The following PLP1 variants were observed in gnomAD, a reference collection of about 807,000 sequenced individuals.
PLP1 encodes the protein myelin proteolipid protein.
A neutral mutation model predicts 18.5 loss-of-function variants in PLP1; 2 were observed. The ratio of observed to expected loss-of-function variants is 0.11; its 90% CI spans 0.04 to 0.34. The LOEUF (loss-of-function observed/expected upper bound fraction) is 0.34, where lower values mean the gene tolerates loss of function less well. PLP1 is among the 10% of genes least tolerant of loss of function. The probability of loss-of-function intolerance (pLI) is 1.00; values close to 1 mark genes in which losing one functional copy is unlikely to be tolerated. For missense variants in PLP1, 105 were observed against 207.3 expected, an observed-to-expected ratio of 0.51 and a Z score of 3.03; for synonymous variants, 86 against 83.2, an observed-to-expected ratio of 1.03 and a Z score of -0.19.
chrX:103,784,973 T>C (rs2074482403), intron 1 of PLP1, among the ~76,000 whole-genome samples: 1 of 112,618 alleles, frequency 8.9e-6, no homozygotes, highest in Admixed American at 9.4e-5. Context: ...AAGGGACTGA[T>C]TTCATAATCT....
intron 1 of PLP1, among the ~76,000 whole-genome samples, chrX:103,777,543 G>A (rs2074420124): frequency 8.9e-6 from 1 of 112,307 alleles, no homozygotes; most frequent in Admixed American, 9.4e-5. Context: ...TCAATGGCTT[G>A]ACCATGGGAA....
At chrX:103,787,618 A>G in intron 3 of PLP1, 180 bp from the exon 4 acceptor site, 1 of 484,273 alleles carries the variant, frequency 2.1e-6, no homozygotes, top group Non-Finnish European at 3.7e-6. Flanking sequence ...GGGGCCAGTT[A>G]TCTAGTAGAT....
In PLP1 at chrX:103,788,307, C is replaced by T. The variant is rs376327266; in HGVS notation, c.623-130C>T. ...TTGTAAACCTGTAGAAAAGAGGATC[C>T]TGATTGTTGGTAGAATCCAACTTTA... On this transcript the variant is annotated intron_variant, in intron 4 of 6. Transcript: ENST00000621218. The T allele has an allele frequency of 4.7e-4, 273 of 584,885 alleles. 3 individuals are homozygous for T. In the South Asian group the frequency reaches 5.8e-3, roughly 12 times the overall value. 48.2% of individuals were successfully genotyped at this position (584,885 alleles called of 1,213,427 possible).
chrX:103,783,386 C>T (rs1047396554), intron 1 of PLP1, among the ~76,000 whole-genome samples: 1 of 112,464 alleles, frequency 8.9e-6, no homozygotes, highest in East Asian at 2.8e-4. Flanking sequence ...TTCCTGGCAG[C>T]AATGCTTTAG....
intron 3 of PLP1, chrX:103,786,934 T>A: frequency 2.2e-6 from 1 of 448,396 alleles, no homozygotes; most frequent in East Asian, 3.7e-5. Flanking sequence ...CCTAAGCAAA[T>A]TTCTTCTCAA....
intron 5 of PLP1, 63 bp downstream of exon 5, chrX:103,788,573 G>A: frequency 1.2e-6 from 1 of 850,566 alleles, no homozygotes; most frequent in Non-Finnish European, 1.8e-6. Context: ...TTACACCCAT[G>A]GCCTTCAATT....
chrX:103,788,353 G>A, intron 4 of PLP1, 84 bp from the exon 5 acceptor site: 1 of 693,737 alleles, frequency 1.4e-6, no homozygotes, highest in Non-Finnish European at 2.4e-6. Context: ...AATTAGAGAT[G>A]GAAGAAGGGC....
At chrX:103,782,400 G>A (rs2074460814) in intron 1 of PLP1, among the ~76,000 whole-genome samples, 1 of 111,829 alleles carries the variant, frequency 8.9e-6, no homozygotes. Flanking sequence ...GAAAATAGAG[G>A]AAAAATGGAT....
chrX:103,787,803 G>A lies in PLP1; in HGVS notation c.459G>A (p.Val153=). ...GKWLGHPDKF[V]GITYALTVVW... ...CCCCATGTCAATCATTTTAGTTTGT[G>A]GGCATCACCTATGCCCTGACCGTTG... The change falls in exon 4 of 7, where the codon GTG becomes GTA. Residue 153 remains valine (V), a synonymous_variant. Transcript: ENST00000621218. 5.0e-6 allele frequency: 6 copies of A among 1,207,903 alleles called. No homozygotes were observed. The highest frequency in any genetic ancestry group is 6.7e-6 in the Non-Finnish European group (6 of 892,214).
chrX:103,777,319 G>A, intron 1 of PLP1, among the ~76,000 whole-genome samples: 1 of 111,175 alleles, frequency 9.0e-6, no homozygotes, highest in Non-Finnish European at 1.9e-5. Flanking sequence ...TGGTTCCAAG[G>A]CCCTGGCAAC....
At chrX:103,786,220 T>C in intron 2 of PLP1, 3 of 1,141,558 alleles carry the variant, frequency 2.6e-6, no homozygotes, top group Non-Finnish European at 2.3e-6. Flanking sequence ...TCCCTGGTTC[T>C]CCAGGTCCCA....
At chrX:103,780,788 T>C in intron 1 of PLP1, 1 of 112,748 alleles carries the variant, frequency 8.9e-6, no homozygotes, top group East Asian at 2.8e-4. Context: ...TTGATAATTG[T>C]TGTTTTACTC....
At chrX:103,778,776 C>T (rs1393137625) in intron 1 of PLP1, among the ~76,000 whole-genome samples, 1 of 111,886 alleles carries the variant, frequency 8.9e-6, no homozygotes, top group Non-Finnish European at 1.9e-5. Flanking sequence ...ATCTAAAGTA[C>T]TTTGAATTAT....
At chrX:103,780,439 CTGTGTGTGTGTG>C (rs1211292879) in intron 1 of PLP1, among the ~76,000 whole-genome samples, 1 of 102,514 alleles carries the variant, frequency 9.8e-6, no homozygotes, top group Non-Finnish European at 2.0e-5. Flanking sequence ...CTGTCTCTCT[CTGTGTGTGTGTG>C]TGTGTGTGTG....
chrX:103,789,861 G>A (rs2074530140), intron 6 of PLP1, among the ~76,000 whole-genome samples: 1 of 111,416 alleles, frequency 9.0e-6, no homozygotes, highest in African/African-American at 3.3e-5. Flanking sequence ...AATACTGGGA[G>A]GACCTCCTAA....
chrX:103,786,474 C>A lies in PLP1; in HGVS notation c.201C>A (p.Ala67=), dbSNP rs11543016. 2 of 1,209,113 alleles carry A rather than the reference C, an allele frequency of 1.7e-6. No homozygotes were observed. The highest frequency in any genetic ancestry group is 2.2e-6 in the Non-Finnish European group (2 of 893,226). ...CTACCTGTTAATGCAGGATCCATGC[C>A]TTCCAGTATGTCATCTATGGAACTG... The part of the protein sequence containing the change: ...DYEYLINVIH[A]FQYVIYGTAS... Residue 67 remains alanine, a synonymous_variant, in exon 3 of 7, where the codon GCC becomes GCA. Transcript: ENST00000621218.
chrX:103,790,289 T>C (rs2074534181), intron 6 of PLP1, among the ~76,000 whole-genome samples: 1 of 112,688 alleles, frequency 8.9e-6, no homozygotes, highest in South Asian at 3.6e-4. Flanking sequence ...AATAAATCTT[T>C]ATGATTTGAT....
At chrX:103,789,569 C>G (rs1331639734) in intron 6 of PLP1, among the ~76,000 whole-genome samples, 171 bp downstream of exon 6, 2 of 111,489 alleles carry the variant, frequency 1.8e-5, no homozygotes, top group African/African-American at 6.5e-5. Context: ...ATTGGCAAGG[C>G]AGAAAGACAT....
At chrX:103,780,851 C>G (rs1302118361) in intron 1 of PLP1, 1 of 115,605 alleles carries the variant, frequency 8.7e-6, no homozygotes, top group Non-Finnish European at 1.8e-5. Flanking sequence ...CACGGCTGCT[C>G]TAGCATTTCG....
Sources: gnomAD v4.1 joint callset for allele counts (sites outside exome capture counted in the v4.1 genomes callset) on GRCh38, gnomAD v4.1.1 for gene constraint, MANE v1.5 for transcripts, NCBI Gene and HGNC (gene_info 2026-07-23, HGNC 2026-07-21) for gene names.